CCDC7: variants seen among roughly 807,000 people sequenced by gnomAD.
CCDC7 encodes the protein coiled-coil domain containing 7.
A neutral mutation model predicts 196.9 loss-of-function variants in CCDC7; 183 were observed. The ratio of observed to expected loss-of-function variants is 0.93; its 90% CI spans 0.82 to 1.05. The LOEUF (loss-of-function observed/expected upper bound fraction) is 1.05, where lower values mean the gene tolerates loss of function less well. CCDC7 is among the 50% of genes least tolerant of loss of function. The pLI, the probability that CCDC7 is intolerant of heterozygous loss-of-function variation, is 0.00. For missense variants in CCDC7, 1,540 were observed against 1,482.2 expected (o/e 1.04, Z -0.64); for synonymous variants, 525 against 484.6 (o/e 1.08, Z -1.10).
At chr10:32,858,588 CTCAGTTGACAAAGAAAAA>C (rs1382402361) in intron 41 of CCDC7, among the ~76,000 whole-genome samples, 1 of 152,078 alleles carries the variant, frequency 6.6e-6, no homozygotes, top group African/African-American at 2.4e-5. Flanking sequence ...CCATGATGGT[CTCAGTTGACAAAGAAAAA>C]GCGTTTGACA....
chr10:32,564,236 A>C (rs75628487), intron 13 of CCDC7, among the ~76,000 whole-genome samples: 15,971 of 152,210 alleles, frequency 0.1, 1,038 homozygotes, highest in South Asian at 0.25. Flanking sequence ...TGTGGAAGGC[A>C]GTGTGGCGAT....
chr10:32,536,783 G>C (rs1453126106), intron 11 of CCDC7, among the ~76,000 whole-genome samples: 1 of 151,958 alleles, frequency 6.6e-6, no homozygotes, highest in Non-Finnish European at 1.5e-5. Context: ...TAGCCATTTG[G>C]ATAATGGCTT....
chr10:32,824,276 C>T (rs1376376992), intron 31 of CCDC7, among the ~76,000 whole-genome samples: 3 of 152,068 alleles, frequency 2.0e-5, no homozygotes, highest in Non-Finnish European at 1.5e-5. Flanking sequence ...TTTGTTATTA[C>T]TTGCTATATG....
intron 9 of CCDC7, among the ~76,000 whole-genome samples, chr10:32,503,936 C>CT (rs997253275): frequency 6.6e-6 from 1 of 151,320 alleles, no homozygotes; most frequent in African/African-American, 2.4e-5. Context: ...TTCTTATTAT[C>CT]TTTTTTTTAT....
chr10:32,748,562 C>T (rs780483589), intron 28 of CCDC7, among the ~76,000 whole-genome samples: 16 of 152,046 alleles, frequency 1.1e-4, no homozygotes, highest in Non-Finnish European at 2.2e-4. Context: ...GGAAAAGAAA[C>T]TCCAGTAAAT....
intron 7 of CCDC7, 141 bp from the exon 9 acceptor site, chr10:32,473,826 T>C (rs2038436051): frequency 1.0e-5 from 7 of 670,486 alleles, no homozygotes; most frequent in Non-Finnish European, 1.2e-5. Context: ...TAGGAAGATC[T>C]GCAGTGTTGG....
chr10:32,476,486 C>T (rs150269236), intron 8 of CCDC7, among the ~76,000 whole-genome samples: 65 of 152,262 alleles, frequency 4.3e-4, no homozygotes, highest in African/African-American at 1.5e-3. Flanking sequence ...GTTGTTTCCA[C>T]GTTTTGGCAA....
At chr10:32,814,504 C>A in intron 31 of CCDC7, 51 bp downstream of exon 32, 1 of 1,323,134 alleles carries the variant, frequency 7.6e-7, no homozygotes, top group Non-Finnish European at 1.1e-6. Flanking sequence ...TTTATATTCT[C>A]TGGAGTGTAA....
chr10:32,497,004 G>C (rs1332154051), intron 9 of CCDC7, among the ~76,000 whole-genome samples: 2 of 149,928 alleles, frequency 1.3e-5, no homozygotes, highest in African/African-American at 2.5e-5. Context: ...GAATTTGGCT[G>C]TGAATCCGTC....
chr10:32,651,734 C>G (rs1296762914), intron 20 of CCDC7, among the ~76,000 whole-genome samples: 1 of 152,016 alleles, frequency 6.6e-6, no homozygotes, highest in Non-Finnish European at 1.5e-5. Context: ...GCTGACACCT[C>G]TCTGGCGGGA....
chr10:32,527,807 TGGTG>T (rs1192234583), intron 11 of CCDC7, among the ~76,000 whole-genome samples: 1 of 152,168 alleles, frequency 6.6e-6, no homozygotes, highest in African/African-American at 2.4e-5. Flanking sequence ...TGAAATAGGA[TGGTG>T]GGTAGAGAAT....
At chr10:32,601,620 A>C in intron 18 of CCDC7, among the ~76,000 whole-genome samples, 1 of 152,186 alleles carries the variant, frequency 6.6e-6, no homozygotes, top group East Asian at 1.9e-4. Context: ...TAAATGCACC[A>C]ATCAGCACTC....
intron 16 of CCDC7, among the ~76,000 whole-genome samples, chr10:32,582,121 T>C (rs2370784): frequency 4.9e-5 from 3 of 61,466 alleles, no homozygotes; most frequent in African/African-American, 1.8e-4. Context: ...TATATATATA[T>C]ATATATATAT....
intron 28 of CCDC7, among the ~76,000 whole-genome samples, chr10:32,734,953 T>A (rs1021851942): frequency 1.3e-5 from 2 of 151,960 alleles, no homozygotes; most frequent in Non-Finnish European, 2.9e-5. Context: ...ATAAAATAAA[T>A]TTTAAAAAAT....
chr10:32,576,547 CTT>C (rs1292038601), intron 16 of CCDC7, among the ~76,000 whole-genome samples: 54 of 116,852 alleles, frequency 4.6e-4, no homozygotes, highest in African/African-American at 3.8e-4. Context: ...GCCTGTGTGT[CTT>C]TTTTTTTTTT....
At chr10:32,704,529 TCA>T (rs1484229934) in intron 24 of CCDC7, among the ~76,000 whole-genome samples, 1 of 152,104 alleles carries the variant, frequency 6.6e-6, no homozygotes, top group Non-Finnish European at 1.5e-5. Flanking sequence ...ACTACTCTCT[TCA>T]CAGTTGTCAG....
chr10:32,590,068 T>C (rs766628250), intron 18 of CCDC7, among the ~76,000 whole-genome samples: 5 of 152,200 alleles, frequency 3.3e-5, no homozygotes, highest in Non-Finnish European at 5.9e-5. Context: ...AGTGTTGTTA[T>C]TGATTCTAAG....
chr10:32,610,755 T>C (rs1025423539), intron 18 of CCDC7, among the ~76,000 whole-genome samples: 1 of 152,230 alleles, frequency 6.6e-6, no homozygotes, highest in Admixed American at 6.5e-5. Context: ...CATGAACTCA[T>C]CCTTTTTTAT....
intron 18 of CCDC7, among the ~76,000 whole-genome samples, chr10:32,631,316 C>CT (rs778932734): frequency 4.7e-4 from 72 of 152,128 alleles, no homozygotes; most frequent in Non-Finnish European, 8.8e-4. Context: ...CTGCAGTCCA[C>CT]TTTGAGTTGC....
Sources: gnomAD v4.1 joint callset for allele counts (sites outside exome capture counted in the v4.1 genomes callset) on GRCh38, gnomAD v4.1.1 for gene constraint, MANE v1.5 for transcripts, NCBI Gene and HGNC (gene_info 2026-07-23, HGNC 2026-07-21) for gene names.